FAM168A: variants seen among roughly 807,000 people sequenced by gnomAD.
FAM168A encodes protein FAM168A.
Under a neutral mutation model 28.5 loss-of-function variants are expected in FAM168A, and 3 were observed. The observed-to-expected ratio is 0.11, with a 90% confidence interval of 0.05 to 0.27. The LOEUF is 0.27. Ranked by LOEUF, FAM168A falls within the 10% of genes least tolerant of loss-of-function variation. FAM168A has a pLI of 1.00. For missense variants in FAM168A, 222 were observed against 311.5 expected (o/e 0.71, Z 2.16); for synonymous variants, 122 against 124.2 (o/e 0.98, Z 0.12).
chr11:73,558,075 C>T (rs1459307412), intron 1 of FAM168A, among the ~76,000 whole-genome samples: 2 of 152,068 alleles, frequency 1.3e-5, no homozygotes, highest in Admixed American at 6.6e-5. Context: ...ATCTTCATGA[C>T]CTTGGATTTG....
chr11:73,469,864 C>T (rs1008088554), intron 1 of FAM168A, among the ~76,000 whole-genome samples: 1 of 152,134 alleles, frequency 6.6e-6, no homozygotes, highest in African/African-American at 2.4e-5. Context: ...ACTCTCCTCG[C>T]AGAGTATTGA....
intron 1 of FAM168A, among the ~76,000 whole-genome samples, chr11:73,544,791 T>A (rs1413367222): frequency 1.8e-5 from 2 of 110,058 alleles, no homozygotes; most frequent in South Asian, 2.5e-4. Flanking sequence ...TTATATATTT[T>A]ATATATGTAA....
At chr11:73,562,203 A>G (rs1029771213) in intron 1 of FAM168A, among the ~76,000 whole-genome samples, 2 of 152,218 alleles carry the variant, frequency 1.3e-5, no homozygotes, top group Non-Finnish European at 2.9e-5. Flanking sequence ...GGCCTCCCAA[A>G]GTGCTGGAAT....
At chr11:73,457,573 C>T (rs1402827174) in intron 2 of FAM168A, among the ~76,000 whole-genome samples, 1 of 151,030 alleles carries the variant, frequency 6.6e-6, no homozygotes, top group Non-Finnish European at 1.5e-5. Flanking sequence ...CTCAATTATA[C>T]ACTTAAAAAT....
chr11:73,570,034 G>A (rs893334155), intron 1 of FAM168A, among the ~76,000 whole-genome samples: 3 of 152,084 alleles, frequency 2.0e-5, no homozygotes, highest in Non-Finnish European at 4.4e-5. Flanking sequence ...GAATGGATAT[G>A]AAAAGCATAA....
intron 1 of FAM168A, among the ~76,000 whole-genome samples, chr11:73,538,172 C>T (rs1438942968): frequency 6.6e-6 from 1 of 152,052 alleles, no homozygotes; most frequent in Non-Finnish European, 1.5e-5. Context: ...TGTTAGGTTC[C>T]CCATATCTTA....
At position 73,592,520 on chromosome 11, in the gene FAM168A, C is replaced by T. The variant is rs190799685; in HGVS notation, c.-19+5403G>A. 3.9e-5 allele frequency among the ~76,000 whole-genome samples: 6 copies of T among 152,272 alleles called. No homozygotes were observed. The South Asian group carries it at 6.2e-4, about 16-fold the overall frequency. On this transcript the variant is annotated intron_variant, in intron 1 of 7. Coordinates refer to ENST00000356467, the MANE Select transcript of FAM168A (RefSeq NM_015159.3). The stretch of plus-strand genomic sequence containing the variant: ...TGATTTCTGTTAACGTACCAGGGGT[C>T]GGCCAGCTATGGCCCGCCCATGGCC...
chr11:73,546,966 A>T (rs1322167708), intron 1 of FAM168A, among the ~76,000 whole-genome samples: 1 of 152,006 alleles, frequency 6.6e-6, no homozygotes, highest in Non-Finnish European at 1.5e-5. Flanking sequence ...ATGTGCAAAG[A>T]ACTTGAATAG....
At chr11:73,581,151 A>G (rs1944239654) in intron 1 of FAM168A, among the ~76,000 whole-genome samples, 2 of 152,382 alleles carry the variant, frequency 1.3e-5, no homozygotes, top group African/African-American at 4.8e-5. Context: ...TTCCCTGTTC[A>G]GAGCATCAGA....
At chr11:73,477,040 A>T in intron 1 of FAM168A, among the ~76,000 whole-genome samples, 1 of 152,142 alleles carries the variant, frequency 6.6e-6, no homozygotes, top group Non-Finnish European at 1.5e-5. Context: ...AAATAAAACA[A>T]AAAACAAAAT....
At chr11:73,497,080 C>T (rs1854905756) in intron 1 of FAM168A, among the ~76,000 whole-genome samples, 1 of 152,160 alleles carries the variant, frequency 6.6e-6, no homozygotes, top group Admixed American at 6.5e-5. Flanking sequence ...ATCGAAAGCC[C>T]TGCGTGATCC....
In FAM168A at chr11:73,563,565, GA is replaced by G. The variant is rs200931159; in HGVS notation, c.-19+34357del. Reference sequence around the variant, plus strand: ...AAGGGGGTACACAATCAAGTTGAAAGAAAAAAAAAATTATACAATGGTTATA... The same window carrying G: ...AAGGGGGTACACAATCAAGTTGAAAGAAAAAAAAATTATACAATGGTTATA... On this transcript the variant is annotated intron_variant, in intron 1 of 7. Transcript: ENST00000356467. 6.2e-4 allele frequency among the ~76,000 whole-genome samples: 92 copies of G among 148,820 alleles called. 1 individual carries two copies. Among genetic ancestry groups the G allele is most frequent in the Admixed American group, 2.8e-3 (42 of 14,972 alleles).
chr11:73,482,628 C>G (rs979219815), intron 1 of FAM168A, among the ~76,000 whole-genome samples: 11 of 151,702 alleles, frequency 7.3e-5, no homozygotes, highest in Non-Finnish European at 1.6e-4. Flanking sequence ...TATAAATTCT[C>G]AACAGCACGT....
rs1256648602 is a variant in FAM168A at position 73,405,281 on chromosome 11, A to G, written c.*1482T>C. 1 of 152,162 alleles carries G rather than the reference A, an allele frequency of 6.6e-6. No homozygotes were observed. Among genetic ancestry groups the G allele is most frequent in the East Asian group, 1.9e-4 (1 of 5,198 alleles). 9.4% of individuals were successfully genotyped at this position (152,162 alleles called of 1,614,324 possible). On this transcript the variant is annotated 3_prime_UTR_variant, in exon 8 of 8. Coordinates refer to ENST00000356467, the MANE Select transcript of FAM168A (RefSeq NM_015159.3). The stretch of plus-strand genomic sequence containing the variant: ...TTCATTTGCAATTTCTGTTCCTGCC[A>G]TCCGCCCCCATGTAGCCTCTGCCCA...
At chr11:73,507,315 T>C (rs1455564111) in intron 1 of FAM168A, among the ~76,000 whole-genome samples, 1 of 152,080 alleles carries the variant, frequency 6.6e-6, no homozygotes, top group African/African-American at 2.4e-5. Context: ...CCAAGACTCA[T>C]CCAAAAACAA....
chr11:73,409,702 G>A, intron 5 of FAM168A, 41 bp from the exon 6 acceptor site: 1 of 1,565,284 alleles, frequency 6.4e-7, no homozygotes, highest in Non-Finnish European at 8.7e-7. Context: ...ATTTGGAGAG[G>A]TAGGTGGGAT....
rs184776707 is a variant in FAM168A at position 73,475,712 on chromosome 11, A to T, written c.-18-7220T>A. 7.6e-3 allele frequency among the ~76,000 whole-genome samples: 1,157 copies of T among 152,272 alleles called. 9 individuals carry two copies. The highest frequency in any genetic ancestry group is 0.011 in the Non-Finnish European group (758 of 68,018). On this transcript the variant is annotated intron_variant, in intron 1 of 7. Coordinates refer to ENST00000356467, the MANE Select transcript of FAM168A (RefSeq NM_015159.3). ...AAAACTTCTGAACCACATTAAGAACAGTGAAAATCCATGGCATTTTACCCT... is the reference window on the plus strand; with the variant it reads ...AAAACTTCTGAACCACATTAAGAACTGTGAAAATCCATGGCATTTTACCCT...
intron 1 of FAM168A, among the ~76,000 whole-genome samples, chr11:73,589,668 C>T (rs1944359744): frequency 6.6e-6 from 1 of 152,226 alleles, no homozygotes; most frequent in African/African-American, 2.4e-5. Context: ...GTGGCTCACG[C>T]CTGTAATCCC....
intron 1 of FAM168A, among the ~76,000 whole-genome samples, chr11:73,577,532 G>A (rs950264289): frequency 6.6e-6 from 1 of 152,184 alleles, no homozygotes; most frequent in African/African-American, 2.4e-5. Context: ...ACACTGTGAG[G>A]CAGTCATGGG....
Sources: gnomAD v4.1 joint callset for allele counts (sites outside exome capture counted in the v4.1 genomes callset) on GRCh38, gnomAD v4.1.1 for gene constraint, MANE v1.5 for transcripts, NCBI Gene and HGNC (gene_info 2026-07-23, HGNC 2026-07-21) for gene names.